Variants in GSDME observed in about 807,000 individuals in gnomAD.
GSDME encodes the protein gasdermin-E.
A neutral mutation model predicts 47.5 loss-of-function variants in GSDME; 44 were observed. The observed-to-expected ratio is 0.93, with a 90% confidence interval of 0.73 to 1.19. The LOEUF (loss-of-function observed/expected upper bound fraction) is 1.19, where lower values mean the gene tolerates loss of function less well. Among genes scored for constraint, GSDME ranks in the 50% most tolerant of loss-of-function variants. The pLI is 0.00. For missense variants in GSDME, 663 were observed against 604.2 expected, an observed-to-expected ratio of 1.10 and a Z score of -1.02; for synonymous variants, 258 against 252.8, an observed-to-expected ratio of 1.02 and a Z score of -0.20.
intron 1 of GSDME, 69 bp from the exon 2 acceptor site, chr7:24,749,862 A>G (rs1562716222): frequency 1.0e-6 from 1 of 991,718 alleles, no homozygotes; most frequent in Non-Finnish European, 1.6e-6. Context: ...CCCTAAAATT[A>G]CTGTATTTCT....
chr7:24,777,219 A>G, the GSDME span, among the ~76,000 whole-genome samples: 1 of 152,208 alleles, frequency 6.6e-6, no homozygotes, highest in Admixed American at 6.5e-5. Context: ...GAAGTATTTT[A>G]ATCAAGCAAC....
intron 5 of GSDME, 26 bp downstream of exon 5, chr7:24,717,228 C>G (rs764949429): frequency 6.2e-7 from 1 of 1,613,952 alleles, no homozygotes; most frequent in East Asian, 2.2e-5. Flanking sequence ...GGGGATCCCT[C>G]AGCACCCATA....
intron 3 of GSDME, among the ~76,000 whole-genome samples, chr7:24,730,296 T>C (rs1292123483): frequency 6.6e-6 from 1 of 152,242 alleles, no homozygotes; most frequent in Non-Finnish European, 1.5e-5. Context: ...CTTTACATTT[T>C]AACATCTCAG....
At chr7:24,702,499 A>C in intron 9 of GSDME, 1 of 399,170 alleles carries the variant, frequency 2.5e-6, no homozygotes. Context: ...TGGGAAAAGT[A>C]TAAGAGTTGG....
chr7:24,770,261 T>C, the GSDME span, among the ~76,000 whole-genome samples: 9 of 152,204 alleles, frequency 5.9e-5, no homozygotes, highest in African/African-American at 2.2e-4. This position sits in a 1 kb window ranked among gnomAD's most constrained non-coding sequence, Gnocchi z 4.6. Flanking sequence ...GGTGAACACA[T>C]TGAGGTACTG....
chr7:24,701,141 G>T (rs897770344), intron 9 of GSDME, among the ~76,000 whole-genome samples: 1 of 152,176 alleles, frequency 6.6e-6, no homozygotes, highest in Non-Finnish European at 1.5e-5. Flanking sequence ...ATTTTGTGCC[G>T]TTTTAAGTAA....
chr7:24,732,506 T>G lies in GSDME; in HGVS notation c.404+12056A>C, dbSNP rs1211434234. Reference sequence around the variant, plus strand: ...GCAATCACAGTACCTGGTTTTGACTTCATTTTGCTGAAAGAGGCACTGAAG... The same window carrying G: ...GCAATCACAGTACCTGGTTTTGACTGCATTTTGCTGAAAGAGGCACTGAAG... On this transcript the variant is annotated intron_variant, in intron 3 of 9. Transcript: ENST00000645220. The surrounding 1 kb of genome is among the most constrained non-coding windows in gnomAD (Gnocchi z 4.8). Among the ~76,000 whole-genome samples, 1 of 152,212 alleles carries G rather than the reference T, an allele frequency of 6.6e-6. No homozygotes were observed. Among genetic ancestry groups the G allele is most frequent in the Non-Finnish European group, 1.5e-5 (1 of 68,042 alleles).
At chr7:24,794,734 G>A in the GSDME span, among the ~76,000 whole-genome samples, 1 of 151,984 alleles carries the variant, frequency 6.6e-6, no homozygotes, top group Admixed American at 6.5e-5. Flanking sequence ...GTTCCTAATG[G>A]GGTAGGCTTA....
intron 7 of GSDME, 74 bp from the exon 8 acceptor site, chr7:24,706,450 G>A: frequency 6.9e-7 from 1 of 1,451,464 alleles, no homozygotes; most frequent in Non-Finnish European, 9.5e-7. Context: ...TCCGCTCACA[G>A]TACACACAAG....
At chr7:24,718,985 C>A in intron 4 of GSDME, 62 bp downstream of exon 4, 1 of 1,583,670 alleles carries the variant, frequency 6.3e-7, no homozygotes, top group South Asian at 1.1e-5. Context: ...CCCAAAGAGG[C>A]CCCCAACCAA....
At position 24,698,984 on chromosome 7, in the gene GSDME, T is replaced by C. The variant is rs1238699413; in HGVS notation, c.*42A>G. ...TATGACCTTTAACAGTTCTGAAAAA[T>C]AGCCTTGGCCAGTAACACGTACTTC... is the stretch of plus-strand genomic sequence containing the variant. On this transcript the variant is annotated 3_prime_UTR_variant, in exon 10 of 10. Coordinates refer to ENST00000645220, the MANE Select transcript of GSDME (RefSeq NM_001127453.2). 5.1e-6 allele frequency: 7 copies of C among 1,373,128 alleles called. No individual in the cohort carries two copies. The South Asian group carries it at 8.4e-5, about 16-fold the overall frequency. The allele number at this position is 1,373,128 out of a possible 1,614,324, so 85.1% of individuals were successfully genotyped here.
chr7:24,745,989 G>A lies in GSDME; in HGVS notation c.212-1235C>T, dbSNP rs548136146. Among the ~76,000 whole-genome samples the A allele has an allele frequency of 1.4e-4, 22 of 152,164 alleles. No homozygotes were observed. In the South Asian group the frequency reaches 2.7e-3, roughly 19 times the overall value. ...TGACCCAAGGCTCTCCTGGGCTCCC[G>A]GCTGCCCTTCACAGGGGATTCAAAC... On this transcript the variant is annotated intron_variant, in intron 2 of 9. Transcript: ENST00000645220. The surrounding 1 kb of genome is among the most constrained non-coding windows in gnomAD (Gnocchi z 4.4).
the GSDME span, among the ~76,000 whole-genome samples, chr7:24,765,925 A>G: frequency 3.3e-5 from 5 of 152,196 alleles, no homozygotes; most frequent in Non-Finnish European, 5.9e-5. Context: ...GGCACAATAT[A>G]TATGAGGATC....
chr7:24,728,707 G>A lies in GSDME; in HGVS notation c.405-9489C>T, dbSNP rs940540025. Among the ~76,000 whole-genome samples the A allele has an allele frequency of 3.3e-5, 5 of 152,156 alleles. No individual in the cohort carries two copies. Among genetic ancestry groups the A allele is most frequent in the African/African-American group, 7.2e-5 (3 of 41,436 alleles). On this transcript the variant is annotated intron_variant, in intron 3 of 9. Transcript: ENST00000645220. This position sits in a 1 kb window ranked among gnomAD's most constrained non-coding sequence, Gnocchi z 7.2. Reference sequence around the variant, plus strand: ...TTGGAAACGAAAGCAGCCGCCCACTGTCTCCCCCGCAGGTACTAGCAGTCC... The same window carrying A: ...TTGGAAACGAAAGCAGCCGCCCACTATCTCCCCCGCAGGTACTAGCAGTCC...
intron 5 of GSDME, among the ~76,000 whole-genome samples, chr7:24,715,079 G>A (rs1789497575): frequency 6.6e-6 from 1 of 152,208 alleles, no homozygotes. Context: ...GAACCCAGAG[G>A]ACAGGATGCT....
the GSDME span, among the ~76,000 whole-genome samples, chr7:24,770,031 G>C: frequency 6.6e-6 from 1 of 152,192 alleles, no homozygotes; most frequent in Non-Finnish European, 1.5e-5. This position sits in a 1 kb window ranked among gnomAD's most constrained non-coding sequence, Gnocchi z 4.6. Flanking sequence ...GCTCTTGGCT[G>C]AGGGTCCATA....
At chr7:24,787,190 C>T in the GSDME span, among the ~76,000 whole-genome samples, 1 of 152,188 alleles carries the variant, frequency 6.6e-6, no homozygotes, top group Non-Finnish European at 1.5e-5. The surrounding 1 kb of genome is among the most constrained non-coding windows in gnomAD (Gnocchi z 5.0). Context: ...TTGTGGCTTA[C>T]TTAGCATGGA....
rs531806536 is a variant in GSDME at position 24,754,285 on chromosome 7, G to A, written c.-20+3111C>T. ...GGCGGATCACCTAGGTCAGGAGTTT[G>A]AAACCAGCCTGGCCCAACATGGTGA... On this transcript the variant is annotated intron_variant, in intron 1 of 9. Coordinates refer to ENST00000645220, the MANE Select transcript of GSDME (RefSeq NM_001127453.2). This position sits in a 1 kb window ranked among gnomAD's most constrained non-coding sequence, Gnocchi z 5.0. 1.3e-5 allele frequency among the ~76,000 whole-genome samples: 2 copies of A among 152,238 alleles called. No homozygotes were observed. Among genetic ancestry groups the A allele is most frequent in the East Asian group, 1.9e-4 (1 of 5,180 alleles).
At chr7:24,749,432 G>A in intron 2 of GSDME, 132 bp downstream of exon 2, 1 of 765,530 alleles carries the variant, frequency 1.3e-6, no homozygotes, top group Non-Finnish European at 2.2e-6. Context: ...AACCTGGGAG[G>A]CAGAGGTTGC....
Sources: gnomAD v4.1 joint callset for allele counts (sites outside exome capture counted in the v4.1 genomes callset) on GRCh38, gnomAD v4.1.1 for gene constraint, Gnocchi (gnomAD v3.1) non-coding constraint, MANE v1.5 for transcripts, NCBI Gene and HGNC (gene_info 2026-07-23, HGNC 2026-07-21) for gene names.